Variants in MAST4 observed in about 807,000 individuals in gnomAD.
MAST4 encodes microtubule associated serine/threonine kinase family member 4.
In MAST4, 89 loss-of-function variants were observed where a neutral mutation model predicts 162.7. That is an observed-to-expected ratio of 0.55 (90% CI 0.46 to 0.65). MAST4 has a LOEUF of 0.65. Ranked by LOEUF, MAST4 falls within the 30% of genes least tolerant of loss-of-function variation. MAST4 has a pLI of 0.00. For missense variants in MAST4, 3,153 were observed against 3,374.0 expected (o/e 0.93, Z 1.62); for synonymous variants, 1,479 against 1,361.1 (o/e 1.09, Z -1.91).
intron 19 of MAST4, among the ~76,000 whole-genome samples, chr5:67,137,456 T>A (rs1307310148): frequency 6.6e-6 from 1 of 152,224 alleles, no homozygotes; most frequent in Non-Finnish European, 1.5e-5. Flanking sequence ...CAGTGAAAAG[T>A]GCTGGCTTGA....
Position 67,104,412 on chromosome 5 carries a change from ACT to A in MAST4, c.1197_1198del (p.Pro400Ter). 1 of 1,613,716 alleles carries A rather than the reference ACT, an allele frequency of 6.2e-7. No individual in the cohort carries two copies. Among genetic ancestry groups the A allele is most frequent in the Non-Finnish European group, 8.5e-7 (1 of 1,179,798 alleles). On this transcript the variant is annotated frameshift_variant, in exon 10 of 29. Transcript: ENST00000403625. LOFTEE classifies it high-confidence loss of function. Reference sequence around the variant, plus strand: ...CGTCTAAAGGAAATTATCACCAGCTACTCTCCTGACAACGTTCTACCCTTAGC... The same window carrying A: ...CGTCTAAAGGAAATTATCACCAGCTACTCCTGACAACGTTCTACCCTTAGC...
chr5:67,072,196 TGTGAAAA>T (rs1388309516), intron 5 of MAST4, among the ~76,000 whole-genome samples: 3 of 152,206 alleles, frequency 2.0e-5, no homozygotes, highest in African/African-American at 7.2e-5. Context: ...GAAATATAAA[TGTGAAAA>T]GTTGGTAGAA....
At chr5:66,893,609 A>G (rs929184533) in intron 3 of MAST4, among the ~76,000 whole-genome samples, 3 of 152,208 alleles carry the variant, frequency 2.0e-5, no homozygotes, top group Non-Finnish European at 4.4e-5. Flanking sequence ...AGAAAATTAA[A>G]TAAAATCTGT....
chr5:66,778,347 G>A (rs1330498629), intron 2 of MAST4, among the ~76,000 whole-genome samples: 2 of 152,192 alleles, frequency 1.3e-5, no homozygotes, highest in African/African-American at 2.4e-5. Context: ...AAAACAGGGA[G>A]TTGGTGGCCA....
intron 1 of MAST4, among the ~76,000 whole-genome samples, chr5:66,727,994 C>T (rs75914901): frequency 6.6e-6 from 1 of 152,040 alleles, no homozygotes; most frequent in Non-Finnish European, 1.5e-5. Context: ...TGTTGGTTTT[C>T]TCTGATCAAA....
At chr5:66,731,736 C>T (rs1305095329) in intron 1 of MAST4, among the ~76,000 whole-genome samples, 2 of 152,026 alleles carry the variant, frequency 1.3e-5, no homozygotes, top group African/African-American at 4.8e-5. Flanking sequence ...AACCCCCAAA[C>T]TGATTGCTTC....
chr5:66,778,797 G>A lies in MAST4; in HGVS notation c.518-9873G>A, dbSNP rs938705645. On this transcript the variant is annotated intron_variant, in intron 2 of 28. Coordinates refer to ENST00000403625, the MANE Select transcript of MAST4 (RefSeq NM_001164664.2). ...TGCAGCTCTGGTTCACAGTGGCAGT[G>A]GCAGCTTGAGTTTCTGCTCCATAGC... 1.7e-4 allele frequency among the ~76,000 whole-genome samples: 26 copies of A among 152,286 alleles called. No individual in the cohort carries two copies. The East Asian group carries it at 5.0e-3, about 29-fold the overall frequency.
intron 4 of MAST4, among the ~76,000 whole-genome samples, chr5:66,909,354 G>A (rs555601855): frequency 5.9e-5 from 9 of 152,292 alleles, no homozygotes; most frequent in African/African-American, 1.4e-4. Context: ...TCAGATTTAA[G>A]CCATCTCTTC....
chr5:66,648,077 TGTGTGTGAGA>T (rs1334032035), intron 1 of MAST4, among the ~76,000 whole-genome samples: 93 of 99,016 alleles, frequency 9.4e-4, no homozygotes, highest in African/African-American at 2.1e-3. Flanking sequence ...TGTGTGTGTG[TGTGTGTGAGA>T]GAGAGAGAGA....
At chr5:66,926,215 A>G (rs1438673003) in intron 4 of MAST4, among the ~76,000 whole-genome samples, 1 of 152,172 alleles carries the variant, frequency 6.6e-6, no homozygotes, top group Non-Finnish European at 1.5e-5. Context: ...GTGAGATAAT[A>G]CAAGTAAAAA....
At chr5:67,045,983 T>C (rs1418642261) in intron 4 of MAST4, among the ~76,000 whole-genome samples, 1 of 152,086 alleles carries the variant, frequency 6.6e-6, no homozygotes, top group East Asian at 1.9e-4. Context: ...CCTGATACAT[T>C]TTGCATATTT....
intron 3 of MAST4, among the ~76,000 whole-genome samples, chr5:66,861,578 G>A (rs921351379): frequency 2.0e-5 from 3 of 152,230 alleles, no homozygotes; most frequent in African/African-American, 7.2e-5. Context: ...GCCCCACAGG[G>A]CAAAGCCTAG....
At chr5:67,035,032 T>C (rs1755844268) in intron 4 of MAST4, among the ~76,000 whole-genome samples, 1 of 151,944 alleles carries the variant, frequency 6.6e-6, no homozygotes, top group Non-Finnish European at 1.5e-5. Flanking sequence ...TCAAGTTGTG[T>C]TTTTTTTCAA....
chr5:66,987,178 C>T (rs111529679), intron 4 of MAST4, among the ~76,000 whole-genome samples: 327 of 151,980 alleles, frequency 2.2e-3, no homozygotes, highest in African/African-American at 7.6e-3. Flanking sequence ...GAAACGAGAG[C>T]CTTGTTTTCA....
intron 4 of MAST4, among the ~76,000 whole-genome samples, chr5:66,917,850 C>G (rs569188855): frequency 6.6e-6 from 1 of 152,206 alleles, no homozygotes; most frequent in Admixed American, 6.5e-5. Context: ...TTTACACTTT[C>G]ATGACTTTTT....
At chr5:66,731,233 G>C (rs547331750) in intron 1 of MAST4, among the ~76,000 whole-genome samples, 1 of 149,112 alleles carries the variant, frequency 6.7e-6, no homozygotes, top group African/African-American at 2.6e-5. Flanking sequence ...GTAGCATTGG[G>C]TGCAGCTTAG....
chr5:66,681,314 G>A (rs10075451), intron 1 of MAST4, among the ~76,000 whole-genome samples: 1,934 of 152,316 alleles, frequency 0.013, 18 homozygotes, highest in Non-Finnish European at 0.02. Context: ...GTCACAAAGT[G>A]AATCCAGATC....
At chr5:66,745,020 G>A (rs1307249802) in intron 1 of MAST4, among the ~76,000 whole-genome samples, 1 of 152,212 alleles carries the variant, frequency 6.6e-6, no homozygotes, top group Admixed American at 6.5e-5. Flanking sequence ...AGAATAAGCA[G>A]TTGAGAGCCT....
At chr5:67,109,995 T>A in intron 10 of MAST4, 103 bp from the exon 11 acceptor site, 1 of 789,928 alleles carries the variant, frequency 1.3e-6, no homozygotes. Context: ...AATTACTCGA[T>A]TTTTGAACAT....
Sources: gnomAD v4.1 joint callset for allele counts (sites outside exome capture counted in the v4.1 genomes callset) on GRCh38, gnomAD v4.1.1 for gene constraint, MANE v1.5 for transcripts, NCBI Gene and HGNC (gene_info 2026-07-23, HGNC 2026-07-21) for gene names.